The following BARD1 variants were observed in gnomAD, a reference collection of about 807,000 sequenced individuals.
BARD1 encodes the protein BRCA1-associated RING domain protein 1.
BARD1 carries 73 observed loss-of-function variants against 77.0 expected under a neutral mutation model. The ratio of observed to expected loss-of-function variants is 0.95; its 90% CI spans 0.79 to 1.15. The LOEUF (loss-of-function observed/expected upper bound fraction) is 1.15. Ranked by LOEUF, BARD1 falls within the 50% of genes most tolerant of loss-of-function variation. BARD1 has a pLI of 0.00. For synonymous variants in BARD1, 384 were observed against 338.0 expected, an observed-to-expected ratio of 1.14 and a Z score of -1.49; for missense variants, 993 against 938.8, an observed-to-expected ratio of 1.06 and a Z score of -0.75.
intron 1 of BARD1, among the ~76,000 whole-genome samples, chr2:214,798,758 C>T (rs1343806866): frequency 8.2e-6 from 1 of 121,722 alleles, no homozygotes; most frequent in Non-Finnish European, 1.7e-5. Flanking sequence ...TGCGAATAAC[C>T]ACTATTAAAA....
chr2:214,797,716 C>T (rs921394486), intron 1 of BARD1, among the ~76,000 whole-genome samples: 8 of 152,094 alleles, frequency 5.3e-5, no homozygotes, highest in African/African-American at 1.9e-4. Flanking sequence ...AAGTAGCCAT[C>T]AATTTTTCAC....
chr2:214,780,639 G>C lies in BARD1; in HGVS notation c.1235C>G (p.Ser412Ter). Residue 412 changes from serine to a stop codon, truncating the protein, a stop_gained, in exon 4 of 11, where the codon TCA becomes TGA. Transcript: ENST00000260947. LOFTEE classifies it high-confidence loss of function. ...SSYRRVMSSP[S>*]AMKLLPNMAV... is the part of the protein sequence containing the mutation. ...CATATTGGGCAACAGCTTCATTGCT[G>C]AGGGACTAGACATCACTCGCCTGTA... is the stretch of plus-strand genomic sequence containing the variant. 1 of 1,614,098 alleles carries C rather than the reference G, an allele frequency of 6.2e-7. No individual in the cohort carries two copies. The highest frequency in any genetic ancestry group is 1.1e-5 in the South Asian group (1 of 91,076).
chr2:214,728,843 G>A lies in BARD1; in HGVS notation c.2167C>T (p.His723Tyr), dbSNP rs1245669447. 1.2e-6 allele frequency: 2 copies of A among 1,614,182 alleles called. No homozygotes were observed. The highest frequency in any genetic ancestry group is 1.3e-5 in the African/African-American group (1 of 75,044). ...VTQTINTVAY[H>Y]ARPDSDQRFC... ...CGCTGATCAGAATCGGGTCTCGCATGGTATGCGACTGTATTGATGGTCTGA... is the reference window on the plus strand; with the variant it reads ...CGCTGATCAGAATCGGGTCTCGCATAGTATGCGACTGTATTGATGGTCTGA... Residue 723 changes from histidine (H) to tyrosine (Y), a missense_variant, in exon 11 of 11, where the codon CAT becomes TAT. Coordinates refer to ENST00000260947, the MANE Select transcript of BARD1 (RefSeq NM_000465.4).
intron 9 of BARD1, among the ~76,000 whole-genome samples, chr2:214,734,491 T>C (rs935739417): frequency 1.4e-4 from 22 of 152,154 alleles, no homozygotes; most frequent in Admixed American, 3.9e-4. Flanking sequence ...TATAAATTAA[T>C]AGAGAACCAT....
At chr2:214,751,141 ATATATATATATT>A (rs1559393153) in intron 7 of BARD1, among the ~76,000 whole-genome samples, 27 of 19,486 alleles carry the variant, frequency 1.4e-3, no homozygotes, top group African/African-American at 3.0e-3. Context: ...ATATATATAT[ATATATATATATT>A]TTTTTTTTTT....
At chr2:214,803,460 C>T (rs1370571430) in intron 1 of BARD1, among the ~76,000 whole-genome samples, 1 of 152,210 alleles carries the variant, frequency 6.6e-6, no homozygotes, top group Non-Finnish European at 1.5e-5. Flanking sequence ...AGGGAAAAAC[C>T]GCCTTAGGGC....
Position 214,752,478 on chromosome 2 carries a change from T to C in BARD1, c.1646A>G (p.Asn549Ser), listed in dbSNP as rs755346126. 1.1e-5 allele frequency: 18 copies of C among 1,613,684 alleles called. No homozygotes were observed. Among genetic ancestry groups the C allele is most frequent in the Non-Finnish European group, 1.5e-5 (18 of 1,179,664 alleles). Residue 549 changes from asparagine to serine, a missense_variant, in exon 7 of 11, where the codon AAT becomes AGT. Coordinates refer to ENST00000260947, the MANE Select transcript of BARD1 (RefSeq NM_000465.4). ...GCAGTGGCTAGCTGAGGATGATTCA[T>C]TCTTCTCTGGTAGCAGCAATAGCGA... ...MKSLLLLPEK[N>S]ESSSASHCSV...
intron 6 of BARD1, among the ~76,000 whole-genome samples, chr2:214,765,985 C>T (rs887621751): frequency 6.6e-6 from 1 of 152,160 alleles, no homozygotes; most frequent in Non-Finnish European, 1.5e-5. Context: ...TTCTTATTTG[C>T]ATCTGTTACC....
chr2:214,751,024 C>T (rs1027309734), intron 7 of BARD1, among the ~76,000 whole-genome samples: 3 of 149,330 alleles, frequency 2.0e-5, no homozygotes, highest in African/African-American at 7.4e-5. Flanking sequence ...TTCTATTAGA[C>T]ACTCTGCTAA....
intron 7 of BARD1, among the ~76,000 whole-genome samples, chr2:214,746,107 C>T (rs1197282928): frequency 6.6e-6 from 1 of 152,084 alleles, no homozygotes; most frequent in African/African-American, 2.4e-5. Context: ...TAAATTGGGT[C>T]TCTCTAGGGT....
chr2:214,786,025 T>A (rs1328407982), intron 3 of BARD1, among the ~76,000 whole-genome samples: 1 of 151,978 alleles, frequency 6.6e-6, no homozygotes. Context: ...GAACTCTGCA[T>A]AAAACTTTAC....
intron 3 of BARD1, among the ~76,000 whole-genome samples, chr2:214,782,672 A>G (rs1203527384): frequency 6.6e-6 from 1 of 152,108 alleles, no homozygotes; most frequent in Admixed American, 6.6e-5. Flanking sequence ...CTCACCTGCT[A>G]CTTTAATTAA....
In BARD1 at chr2:214,726,528, T is replaced by TA; in HGVS notation, c.*2147dup. On this transcript the variant is annotated 3_prime_UTR_variant, in exon 11 of 11. Transcript: ENST00000260947. ...CAAAATTAATTAAAAAGCATTATGT[T>TA]AAAAAAGATAAGCTTTTGTTAGTTA... 1 of 223,518 alleles carries TA rather than the reference T, an allele frequency of 4.5e-6. No homozygotes were observed. The highest frequency in any genetic ancestry group is 8.9e-6 in the Non-Finnish European group (1 of 112,010). 13.8% of individuals were successfully genotyped at this position (223,518 alleles called of 1,614,324 possible).
chr2:214,739,570 CA>C (rs1692720826), intron 9 of BARD1, among the ~76,000 whole-genome samples: 1 of 151,624 alleles, frequency 6.6e-6, no homozygotes, highest in Non-Finnish European at 1.5e-5. Flanking sequence ...AATGAAAAAA[CA>C]GTAGCATACT....
intron 3 of BARD1, among the ~76,000 whole-genome samples, chr2:214,789,530 G>A (rs908804046): frequency 1.3e-5 from 2 of 151,960 alleles, no homozygotes; most frequent in Non-Finnish European, 2.9e-5. Flanking sequence ...GGGCAACAGA[G>A]CAAGACACTG....
chr2:214,800,504 T>C (rs1179582485), intron 1 of BARD1, among the ~76,000 whole-genome samples: 1 of 152,122 alleles, frequency 6.6e-6, no homozygotes, highest in Non-Finnish European at 1.5e-5. Context: ...TGCCTGTGAA[T>C]AGCCACTGCG....
intron 7 of BARD1, among the ~76,000 whole-genome samples, chr2:214,746,071 C>T (rs998672527): frequency 1.3e-5 from 2 of 152,044 alleles, no homozygotes; most frequent in Non-Finnish European, 2.9e-5. Flanking sequence ...GCTCTCTATA[C>T]CCAGGGCATC....
At chr2:214,730,373 T>C in intron 10 of BARD1, 38 bp downstream of exon 10, 4 of 1,545,366 alleles carry the variant, frequency 2.6e-6, no homozygotes, top group South Asian at 1.1e-5. Flanking sequence ...TAGTATGTCA[T>C]AATAAGAACA....
In BARD1 at chr2:214,809,564, C is replaced by T. The variant is rs876660278; in HGVS notation, c.6G>A (p.Pro2=). The T allele has an allele frequency of 6.4e-7, 1 of 1,551,074 alleles. No homozygotes were observed. The highest frequency in any genetic ancestry group is 8.7e-7 in the Non-Finnish European group (1 of 1,151,148). Residue 2 remains proline, a synonymous_variant, in exon 1 of 11, where the codon CCG becomes CCA. Coordinates refer to ENST00000260947, the MANE Select transcript of BARD1 (RefSeq NM_000465.4). The part of the protein sequence containing the change: M[P]DNRQPRNRQP... ...GCCGGTTCCTCGGCTGCCGATTATC[C>T]GGCATCGTCCCGCCTTCGGATGAAA...
Sources: allele counts gnomAD v4.1 joint callset (sites outside exome capture counted in the v4.1 genomes callset), GRCh38; gene constraint gnomAD v4.1.1; transcripts MANE v1.5; gene names NCBI Gene and HGNC (gene_info 2026-07-23, HGNC 2026-07-21).